The following CTNNAL1 variants were observed in gnomAD, a reference collection of about 807,000 sequenced individuals.
CTNNAL1 encodes the protein alpha-catulin.
CTNNAL1 carries 69 observed loss-of-function variants against 93.6 expected under a neutral mutation model. The observed-to-expected ratio is 0.74, with a 90% CI of 0.61 to 0.90. The LOEUF (loss-of-function observed/expected upper bound fraction) is 0.90, where lower values mean the gene tolerates loss of function less well. CTNNAL1 is among the 40% of genes least tolerant of loss of function. The pLI, the probability that CTNNAL1 is intolerant of heterozygous loss-of-function variation, is 0.00. For missense variants in CTNNAL1, 836 were observed against 862.0 expected, an observed-to-expected ratio of 0.97 and a Z score of 0.38; for synonymous variants, 286 against 305.4, an observed-to-expected ratio of 0.94 and a Z score of 0.66.
Position 108,983,153 on chromosome 9 carries a change from C to A in CTNNAL1, c.892G>T (p.Glu298Ter). ...ACTCTCTTTATTCTTACCTTGAATT[C>A]CTTAATTCCAGTAAAAATACTGATA... ...SSISIFTGIKEFKMNIEALRE... is the reference protein window; with the variant it reads ...SSISIFTGIK The change falls in exon 6 of 19, where the codon GAA (glutamate) becomes TAA (stop). Residue 298 changes from glutamate (E) to a stop codon, truncating the protein, a stop_gained. Coordinates refer to ENST00000325551, the MANE Select transcript of CTNNAL1 (RefSeq NM_003798.4). LOFTEE classifies it high-confidence loss of function. 1.3e-6 allele frequency: 2 copies of A among 1,527,160 alleles called. No homozygotes were observed. Among genetic ancestry groups the A allele is most frequent in the Non-Finnish European group, 1.8e-6 (2 of 1,139,764 alleles). 94.6% of individuals were successfully genotyped at this position (1,527,160 alleles called of 1,614,324 possible).
At chr9:108,978,580 C>T (rs17729408) in intron 7 of CTNNAL1, among the ~76,000 whole-genome samples, 33,334 of 152,180 alleles carry the variant, frequency 0.22, 4,489 homozygotes, top group East Asian at 0.3. Context: ...CTCTCTGTCT[C>T]TCCACTTTGC....
chr9:109,004,891 C>T (rs973229119), intron 1 of CTNNAL1, among the ~76,000 whole-genome samples: 7 of 152,088 alleles, frequency 4.6e-5, no homozygotes, highest in African/African-American at 1.7e-4. Context: ...TGTTCAAAGA[C>T]ATACTATAAT....
At chr9:108,943,882 A>C (rs1438804211) in intron 16 of CTNNAL1, 66 bp from the exon 17 acceptor site, 2 of 1,599,702 alleles carry the variant, frequency 1.3e-6, no homozygotes, top group Non-Finnish European at 1.7e-6. Context: ...CCTTAAACAC[A>C]TTTATACATT....
At chr9:108,978,632 C>G (rs1188680326) in intron 7 of CTNNAL1, among the ~76,000 whole-genome samples, 5 of 152,230 alleles carry the variant, frequency 3.3e-5, no homozygotes, top group African/African-American at 1.2e-4. Flanking sequence ...CACTTCCTGT[C>G]TGTCCCACTT....
At position 108,948,180 on chromosome 9, in the gene CTNNAL1, G is replaced by C. The variant is rs1222372694; in HGVS notation, c.1884+6C>G. On this transcript the variant is annotated splice_donor_region_variant and intron_variant, in intron 15 of 18. Transcript: ENST00000325551. ...AGTACTAGCATAAAACGGAAACAAGGCATACCTCTAGTTGATGAATTAAAT... is the reference window on the plus strand; with the variant it reads ...AGTACTAGCATAAAACGGAAACAAGCCATACCTCTAGTTGATGAATTAAAT... 1.9e-6 allele frequency: 3 copies of C among 1,610,400 alleles called. No homozygotes were observed. The highest frequency in any genetic ancestry group is 2.5e-6 in the Non-Finnish European group (3 of 1,179,108).
At chr9:108,948,943 C>T (rs541160712) in intron 14 of CTNNAL1, among the ~76,000 whole-genome samples, 2 of 151,502 alleles carry the variant, frequency 1.3e-5, no homozygotes, top group East Asian at 1.9e-4. Context: ...TCCAGTAAAC[C>T]GTCATGAAAA....
chr9:108,945,931 C>T (rs1830391881), intron 15 of CTNNAL1, among the ~76,000 whole-genome samples: 1 of 152,148 alleles, frequency 6.6e-6, no homozygotes, highest in Non-Finnish European at 1.5e-5. Context: ...ATCTAGTGTT[C>T]TCCCTCAGTG....
chr9:108,974,831 A>T (rs1452993455), intron 8 of CTNNAL1, among the ~76,000 whole-genome samples: 1 of 152,102 alleles, frequency 6.6e-6, no homozygotes, highest in Non-Finnish European at 1.5e-5. Flanking sequence ...AAATAAGAAA[A>T]TTTTTTTAAA....
chr9:109,009,319 TAA>T (rs1163708304), intron 1 of CTNNAL1, among the ~76,000 whole-genome samples: 7 of 148,640 alleles, frequency 4.7e-5, no homozygotes, highest in Non-Finnish European at 1.0e-4. Flanking sequence ...TTTTTTTTTC[TAA>T]AAGTGTTGTG....
At chr9:108,942,913 T>C (rs1184611324) in intron 18 of CTNNAL1, 48 bp downstream of exon 18, 4 of 1,609,562 alleles carry the variant, frequency 2.5e-6, no homozygotes, top group Non-Finnish European at 3.4e-6. Context: ...CTATTTTCTT[T>C]TAAACCATTT....
intron 10 of CTNNAL1, among the ~76,000 whole-genome samples, chr9:108,968,020 T>A (rs1831009029): frequency 6.6e-6 from 1 of 152,174 alleles, no homozygotes; most frequent in African/African-American, 2.4e-5. Context: ...GGGCATAGTG[T>A]CACAGGCACA....
chr9:108,967,532 C>T (rs1490233421), intron 10 of CTNNAL1, among the ~76,000 whole-genome samples: 1 of 152,052 alleles, frequency 6.6e-6, no homozygotes. Context: ...TTATAACAAG[C>T]AGTGGGAGAG....
chr9:108,962,560 C>T (rs10979627), intron 11 of CTNNAL1, among the ~76,000 whole-genome samples: 10,763 of 152,138 alleles, frequency 0.071, 478 homozygotes, highest in Admixed American at 0.13. Flanking sequence ...AGGAGTTTAC[C>T]TTTGCTTCTG....
chr9:108,993,548 A>G (rs904023550), intron 2 of CTNNAL1, among the ~76,000 whole-genome samples: 5 of 152,188 alleles, frequency 3.3e-5, no homozygotes, highest in African/African-American at 1.2e-4. Flanking sequence ...AAACCATTCT[A>G]TTAATTGAAC....
At chr9:108,978,039 T>C (rs1214036661) in intron 7 of CTNNAL1, among the ~76,000 whole-genome samples, 1 of 152,244 alleles carries the variant, frequency 6.6e-6, no homozygotes, top group Non-Finnish European at 1.5e-5. Context: ...TCTGAGTGCT[T>C]GTGAAATATG....
intron 15 of CTNNAL1, among the ~76,000 whole-genome samples, chr9:108,946,945 C>G (rs1278000128): frequency 6.6e-6 from 1 of 152,002 alleles, no homozygotes; most frequent in Non-Finnish European, 1.5e-5. Context: ...AGAATTTCAA[C>G]TATCTTAAGG....
chr9:108,965,104 A>G (rs1182347566), intron 11 of CTNNAL1, among the ~76,000 whole-genome samples: 2 of 152,042 alleles, frequency 1.3e-5, no homozygotes, highest in Admixed American at 6.6e-5. Flanking sequence ...AAAGTGATCC[A>G]CCTGCCTTGG....
chr9:109,000,820 G>A (rs962248135), intron 1 of CTNNAL1, among the ~76,000 whole-genome samples: 3 of 151,946 alleles, frequency 2.0e-5, no homozygotes, highest in African/African-American at 7.3e-5. Flanking sequence ...TCCAAGAGAT[G>A]GGATGGGCAG....
chr9:108,993,206 G>T (rs893363435), intron 2 of CTNNAL1, among the ~76,000 whole-genome samples: 1 of 152,174 alleles, frequency 6.6e-6, no homozygotes, highest in Non-Finnish European at 1.5e-5. Context: ...CTTGGGCTGG[G>T]GCGAGGCCGG....
Sources: allele counts gnomAD v4.1 joint callset (sites outside exome capture counted in the v4.1 genomes callset), GRCh38; gene constraint gnomAD v4.1.1; transcripts MANE v1.5; gene names NCBI Gene and HGNC (gene_info 2026-07-23, HGNC 2026-07-21).